Variants in TJP2 observed in about 807,000 individuals in gnomAD.
TJP2 encodes tight junction protein 2, also known as Friedreich ataxia region gene X104 (tight junction protein ZO-2).
TJP2 carries 91 observed loss-of-function variants against 133.1 expected under a neutral mutation model. The ratio of observed to expected loss-of-function variants is 0.68; its 90% confidence interval spans 0.58 to 0.81. The LOEUF (loss-of-function observed/expected upper bound fraction) is 0.81. Ranked by LOEUF, TJP2 falls within the 40% of genes least tolerant of loss-of-function variation. The probability of loss-of-function intolerance (pLI) is 0.00; values close to 1 mark genes in which losing one functional copy is unlikely to be tolerated. For missense variants in TJP2, 1,541 were observed against 1,565.6 expected (o/e 0.98, Z 0.26); for synonymous variants, 592 against 583.4 (o/e 1.01, Z -0.21).
intron 2 of TJP2, among the ~76,000 whole-genome samples, chr9:69,154,018 A>G (rs985826641): frequency 2.0e-5 from 3 of 152,148 alleles, no homozygotes; most frequent in Non-Finnish European, 2.9e-5. Context: ...TTTCACCCAT[A>G]TGGTTCCTCC....
chr9:69,144,044 C>T (rs1823115647), intron 1 of TJP2, among the ~76,000 whole-genome samples: 1 of 151,700 alleles, frequency 6.6e-6, no homozygotes, highest in Non-Finnish European at 1.5e-5. Context: ...TCTCTGTCAC[C>T]CAGGCTGGAA....
At chr9:69,174,172 C>T, upstream of TJP2, 2 of 1,295,860 alleles carry the variant, frequency 1.5e-6, no homozygotes, top group Non-Finnish European at 2.0e-6. Context: ...AGCGCGGAGG[C>T]GCCACGCTCG....
chr9:69,204,419 TA>T (rs1258169801), intron 1 of TJP2, among the ~76,000 whole-genome samples: 1 of 152,168 alleles, frequency 6.6e-6, no homozygotes, highest in Non-Finnish European at 1.5e-5. Context: ...AGGCATCCCA[TA>T]AAATCTTTGC....
chr9:69,228,589 C>A (rs1538577), intron 9 of TJP2, among the ~76,000 whole-genome samples: 21,421 of 152,002 alleles, frequency 0.14, 1,646 homozygotes, highest in Middle Eastern at 0.23. Flanking sequence ...TATATGTATA[C>A]AGATATGTAT....
intron 1 of TJP2, among the ~76,000 whole-genome samples, chr9:69,207,790 C>A (rs540118431): frequency 1.3e-5 from 2 of 152,320 alleles, no homozygotes; most frequent in Admixed American, 6.5e-5. Context: ...AATGTCAGGA[C>A]CACAGCTCTC....
rs541865761 is a variant in TJP2, at chr9:69,126,651, C to T, written c.-131+4926C>T. Among the ~76,000 whole-genome samples the T allele has an allele frequency of 6.2e-4, 48 of 77,254 alleles. 18 individuals carry two copies. In the South Asian group the frequency reaches 0.017, roughly 28 times the overall value. 50.7% of individuals were successfully genotyped at this position (77,254 alleles called of 152,430 possible). ...AAGACTCAAAAAGACCTTATTTGTA[C>T]AAGGGCTTGTAAAATGTAAAATGAT... On this transcript the variant is annotated intron_variant, in intron 1 of 5. Coordinates refer to the TJP2 transcript ENST00000423935.
In TJP2 at chr9:69,251,174, C is replaced by T; in HGVS notation, c.3131C>T (p.Thr1044Ile). Residue 1044 changes from threonine to isoleucine, a missense_variant, in exon 21 of 23, where the codon ACC becomes ATC. Transcript: ENST00000377245. ...GYPPPVAAKP[T>I]FGRSILKPST... ...CCTCCTCCTGTTGCAGCAAAACCTACCTTTGGGCGGTCTATACTGAAGCCC... is the reference window on the plus strand; with the variant it reads ...CCTCCTCCTGTTGCAGCAAAACCTATCTTTGGGCGGTCTATACTGAAGCCC... The T allele has an allele frequency of 1.2e-6, 2 of 1,614,148 alleles. No individual in the cohort carries two copies. Among genetic ancestry groups the T allele is most frequent in the South Asian group, 1.1e-5 (1 of 91,066 alleles).
At chr9:69,241,098 ACTGCTAT>A (rs145952137) in intron 17 of TJP2, among the ~76,000 whole-genome samples, 2,217 of 152,256 alleles carry the variant, frequency 0.015, 27 homozygotes, top group Non-Finnish European at 0.024. Flanking sequence ...AGTTCATTAA[ACTGCTAT>A]CTGTACTTTT....
chr9:69,223,289 CTGTTTTGTTTTGTTT>C (rs10594219), intron 5 of TJP2, among the ~76,000 whole-genome samples: 153 of 150,126 alleles, frequency 1.0e-3, no homozygotes, highest in East Asian at 2.0e-3. Flanking sequence ...GGCTTCGTTT[CTGTTTTGTTTTGTTT>C]TGTTTTGTTT....
chr9:69,181,829 C>A (rs1424922953), intron 1 of TJP2, among the ~76,000 whole-genome samples: 1 of 152,048 alleles, frequency 6.6e-6, no homozygotes, highest in Non-Finnish European at 1.5e-5. Context: ...TTGTTTTGCT[C>A]ATAAAGTGAT....
At chr9:69,234,058 G>A (rs1436088232) in intron 11 of TJP2, among the ~76,000 whole-genome samples, 1 of 152,164 alleles carries the variant, frequency 6.6e-6, no homozygotes, top group Admixed American at 6.5e-5. Context: ...CACTCCCCAT[G>A]CTTCATACTT....
intron 1 of TJP2, among the ~76,000 whole-genome samples, chr9:69,202,335 C>T (rs756613413): frequency 6.6e-6 from 1 of 152,170 alleles, no homozygotes; most frequent in Non-Finnish European, 1.5e-5. Context: ...CTAAAAGCTC[C>T]TCCCCTTAAC....
chr9:69,137,155 T>A (rs890087783), intron 1 of TJP2, among the ~76,000 whole-genome samples: 3 of 152,152 alleles, frequency 2.0e-5, no homozygotes, highest in Non-Finnish European at 4.4e-5. Flanking sequence ...CAGCCTCTCG[T>A]CATGAGCTGA....
At chr9:69,179,627 G>A (rs1825349521) in intron 1 of TJP2, among the ~76,000 whole-genome samples, 1 of 150,932 alleles carries the variant, frequency 6.6e-6, no homozygotes, top group South Asian at 2.1e-4. Flanking sequence ...AGCCTCCCCA[G>A]TAGCTGGGAC....
chr9:69,224,255 C>T (rs909830030), intron 5 of TJP2, among the ~76,000 whole-genome samples: 9 of 152,190 alleles, frequency 5.9e-5, no homozygotes, highest in Non-Finnish European at 1.3e-4. Flanking sequence ...CCTTTCAATG[C>T]CAAGCTTCAT....
At chr9:69,253,722 G>A (rs1300319989) in intron 22 of TJP2, 1 of 242,572 alleles carries the variant, frequency 4.1e-6, no homozygotes, top group African/African-American at 2.2e-5. Context: ...TAGGATTACA[G>A]GTGTGAACCA....
At chr9:69,229,323 G>A (rs1829589972) in intron 10 of TJP2, 73 bp downstream of exon 10, 1 of 1,512,166 alleles carries the variant, frequency 6.6e-7, no homozygotes, top group East Asian at 2.3e-5. Context: ...ATCCAGAAGA[G>A]TGGTGGTTTT....
At chr9:69,253,953 C>T (rs1015110094) in intron 22 of TJP2, 9 of 529,004 alleles carry the variant, frequency 1.7e-5, no homozygotes, top group East Asian at 6.9e-5. Context: ...GGAGGGCACC[C>T]CCTGTCCAAC....
chr9:69,247,054 T>G (rs1830977371), intron 18 of TJP2, among the ~76,000 whole-genome samples: 1 of 152,238 alleles, frequency 6.6e-6, no homozygotes, highest in Non-Finnish European at 1.5e-5. Context: ...CCAAGTACAC[T>G]AATCAGAGCT....
Sources: allele counts gnomAD v4.1 joint callset (sites outside exome capture counted in the v4.1 genomes callset), GRCh38; gene constraint gnomAD v4.1.1; transcripts MANE v1.5; gene names NCBI Gene and HGNC (gene_info 2026-07-23, HGNC 2026-07-21).